Variants in CDK14 observed in about 807,000 individuals in gnomAD.
CDK14 encodes cyclin dependent kinase 14.
A neutral mutation model predicts 60.7 loss-of-function variants in CDK14; 34 were observed. The observed-to-expected ratio is 0.56, with a 90% CI of 0.43 to 0.75. The LOEUF is 0.75. Ranked by LOEUF, CDK14 falls within the 30% of genes least tolerant of loss-of-function variation. The probability of loss-of-function intolerance (pLI) is 0.00; values close to 1 mark genes in which losing one functional copy is unlikely to be tolerated. For missense variants in CDK14, 482 were observed against 564.1 expected, an observed-to-expected ratio of 0.85 and a Z score of 1.47; for synonymous variants, 197 against 203.7, an observed-to-expected ratio of 0.97 and a Z score of 0.28.
chr7:90,683,154 A>G (rs892897336), intron 2 of CDK14, among the ~76,000 whole-genome samples: 2 of 152,172 alleles, frequency 1.3e-5, no homozygotes, highest in Admixed American at 6.5e-5. Context: ...GGTGGTTACA[A>G]AATGATGACA....
chr7:91,075,112 A>G (rs930652098), intron 11 of CDK14, among the ~76,000 whole-genome samples: 6 of 152,198 alleles, frequency 3.9e-5, no homozygotes, highest in Non-Finnish European at 7.3e-5. Flanking sequence ...AACAATTGAA[A>G]AGGAGGGACT....
At chr7:91,042,091 G>A (rs919080267) in intron 10 of CDK14, among the ~76,000 whole-genome samples, 1 of 152,122 alleles carries the variant, frequency 6.6e-6, no homozygotes, top group African/African-American at 2.4e-5. Flanking sequence ...GGTCTTTCAG[G>A]AAAAAGTGAC....
chr7:90,777,728 C>T (rs988685861), intron 4 of CDK14, among the ~76,000 whole-genome samples: 2 of 152,232 alleles, frequency 1.3e-5, no homozygotes, highest in African/African-American at 4.8e-5. Context: ...ACAGTAGCCT[C>T]TATTCCACTG....
At chr7:90,690,354 G>A (rs1235026836) in intron 2 of CDK14, among the ~76,000 whole-genome samples, 1 of 152,088 alleles carries the variant, frequency 6.6e-6, no homozygotes, top group Non-Finnish European at 1.5e-5. Context: ...CCATTTGGTG[G>A]CCTTTTTAGT....
At chr7:91,018,179 G>A (rs1584236031) in intron 10 of CDK14, among the ~76,000 whole-genome samples, 1 of 152,222 alleles carries the variant, frequency 6.6e-6, no homozygotes, top group Non-Finnish European at 1.5e-5. Flanking sequence ...GTGTGATCTT[G>A]TAGAAAGAAC....
At chr7:91,001,261 T>C (rs1185481430) in intron 10 of CDK14, among the ~76,000 whole-genome samples, 14 of 152,180 alleles carry the variant, frequency 9.2e-5, no homozygotes, top group Admixed American at 7.9e-4. Context: ...GGGAGACTAG[T>C]AAGAATTTGA....
intron 6 of CDK14, among the ~76,000 whole-genome samples, chr7:90,883,887 G>C (rs1584084968): frequency 2.6e-5 from 4 of 152,082 alleles, no homozygotes; most frequent in Admixed American, 2.6e-4. Flanking sequence ...GAAATTCAAT[G>C]TTCTTTCAAG....
intron 2 of CDK14, among the ~76,000 whole-genome samples, chr7:90,681,881 T>A (rs1171197503): frequency 6.6e-6 from 1 of 152,164 alleles, no homozygotes; most frequent in Non-Finnish European, 1.5e-5. Flanking sequence ...AGAAAAATTC[T>A]TCACTGCATT....
At chr7:91,048,786 T>C (rs1170006665) in intron 11 of CDK14, among the ~76,000 whole-genome samples, 7 of 152,198 alleles carry the variant, frequency 4.6e-5, no homozygotes, top group Admixed American at 2.6e-4. Flanking sequence ...TGTTTCAGGA[T>C]CATTTGTATT....
intron 6 of CDK14, among the ~76,000 whole-genome samples, chr7:90,872,442 A>T (rs1435156065): frequency 6.6e-6 from 1 of 152,220 alleles, no homozygotes. Flanking sequence ...ATTCTGAACC[A>T]TAAGGAGAAA....
At chr7:90,813,260 C>G (rs1467067914) in intron 5 of CDK14, among the ~76,000 whole-genome samples, 1 of 152,102 alleles carries the variant, frequency 6.6e-6, no homozygotes, top group Non-Finnish European at 1.5e-5. Context: ...GAAAAAGTTG[C>G]CTGGGACGAG....
At chr7:90,871,087 T>C (rs1395581707) in intron 6 of CDK14, among the ~76,000 whole-genome samples, 1 of 152,196 alleles carries the variant, frequency 6.6e-6, no homozygotes, top group Non-Finnish European at 1.5e-5. Context: ...GGCATTGTCC[T>C]TGTCCTTGTT....
At chr7:90,912,763 A>G (rs915728832) in intron 7 of CDK14, among the ~76,000 whole-genome samples, 1 of 151,958 alleles carries the variant, frequency 6.6e-6, no homozygotes, top group Non-Finnish European at 1.5e-5. Context: ...ACATGCCACC[A>G]TGCCTGGCTA....
chr7:91,009,925 T>G lies in CDK14; in HGVS notation c.1041+25684T>G, dbSNP rs1796101295. Among the ~76,000 whole-genome samples the G allele has an allele frequency of 4.6e-5, 7 of 152,232 alleles. No homozygotes were observed. The South Asian group carries it at 1.4e-3, about 32-fold the overall frequency. ...TATAGTTTTAGGTTTTATGTTTAGGTCTAGGATCGATTTTTAGTTAATTTT... is the reference window on the plus strand; with the variant it reads ...TATAGTTTTAGGTTTTATGTTTAGGGCTAGGATCGATTTTTAGTTAATTTT... On this transcript the variant is annotated intron_variant, in intron 10 of 14. Coordinates refer to ENST00000380050, the MANE Select transcript of CDK14 (RefSeq NM_001287135.2).
At chr7:91,059,381 G>A (rs1436227460) in intron 11 of CDK14, among the ~76,000 whole-genome samples, 4 of 151,868 alleles carry the variant, frequency 2.6e-5, no homozygotes, top group Non-Finnish European at 5.9e-5. Flanking sequence ...ATTTTTTGAA[G>A]GGTTTTTTGT....
intron 12 of CDK14, among the ~76,000 whole-genome samples, chr7:91,089,698 GTC>G (rs1036953509): frequency 2.0e-5 from 3 of 152,176 alleles, no homozygotes; most frequent in African/African-American, 7.2e-5. Flanking sequence ...CCCATGCTTT[GTC>G]TGTCCCTCTC....
chr7:91,010,794 T>G, intron 10 of CDK14, among the ~76,000 whole-genome samples: 1 of 113,180 alleles, frequency 8.8e-6, no homozygotes, highest in Non-Finnish European at 1.8e-5. Context: ...CTTTCCCTCC[T>G]TCCTTCTTTC....
intron 5 of CDK14, among the ~76,000 whole-genome samples, chr7:90,838,877 C>T (rs1260448548): frequency 2.6e-5 from 4 of 152,158 alleles, no homozygotes; most frequent in Non-Finnish European, 5.9e-5. Context: ...TCTTGCTCTG[C>T]CCTTTGCCTT....
intron 6 of CDK14, among the ~76,000 whole-genome samples, chr7:90,879,178 AC>A (rs1454059409): frequency 6.6e-6 from 1 of 152,224 alleles, no homozygotes; most frequent in Non-Finnish European, 1.5e-5. Context: ...AGCCGATGCT[AC>A]CATGTATTAT....
Sources: allele counts gnomAD v4.1 joint callset (sites outside exome capture counted in the v4.1 genomes callset), GRCh38; gene constraint gnomAD v4.1.1; transcripts MANE v1.5; gene names NCBI Gene and HGNC (gene_info 2026-07-23, HGNC 2026-07-21).